Variants in PDPR observed in about 807,000 individuals in gnomAD.
The protein encoded by PDPR is pyruvate dehydrogenase phosphatase regulatory subunit, also known as pyruvate dehydrogenase phosphatase regulatory subunit, mitochondrial.
In PDPR, 50 loss-of-function variants were observed where a neutral mutation model predicts 102.2. The ratio of observed to expected loss-of-function variants is 0.49; its 90% confidence interval spans 0.39 to 0.62. The LOEUF is 0.62. Among genes scored for constraint, PDPR ranks in the 20% least tolerant of loss-of-function variants. PDPR has a pLI of 0.00. For synonymous variants in PDPR, 259 were observed against 406.0 expected, an observed-to-expected ratio of 0.64 and a Z score of 4.35; for missense variants, 625 against 1,098.2, an observed-to-expected ratio of 0.57 and a Z score of 6.09.
intron 8 of PDPR, chr16:70,131,716 A>G (rs1964554917): frequency 1.0e-6 from 1 of 985,284 alleles, no homozygotes; most frequent in African/African-American, 1.7e-5. Context: ...CTTGAATGCT[A>G]TGGATAGTAG....
In PDPR at chr16:70,146,827, C is replaced by T. The variant is rs1285660871; in HGVS notation, c.1962+599C>T. Among the ~76,000 whole-genome samples the T allele has an allele frequency of 3.8e-3, 230 of 60,804 alleles. 1 individual carries two copies. The highest frequency in any genetic ancestry group is 0.013 in the African/African-American group (225 of 16,720). The allele number at this position is 60,804 out of a possible 152,430, so 39.9% of individuals were successfully genotyped here. A position where few individuals can be genotyped will look rare whatever the true frequency, so the allele number is the denominator to read the frequency against. ...ATGTTGCAGTGAGCCGAGATTGCGC[C>T]ATTGCACTCCAGGCTGGCAACAGAG... On this transcript the variant is annotated intron_variant, in intron 16 of 18. Coordinates refer to ENST00000288050, the MANE Select transcript of PDPR (RefSeq NM_017990.5).
chr16:70,154,725 G>A (rs1230975920), intron 18 of PDPR, among the ~76,000 whole-genome samples: 1 of 152,124 alleles, frequency 6.6e-6, no homozygotes, highest in Non-Finnish European at 1.5e-5. Context: ...TCACTGCAAT[G>A]CCCTCTCATG....
chr16:70,137,317 C>T (rs1238530731), intron 10 of PDPR, among the ~76,000 whole-genome samples: 3 of 152,222 alleles, frequency 2.0e-5, no homozygotes, highest in Non-Finnish European at 2.9e-5. Flanking sequence ...GATTGCGCCA[C>T]TGCACTCCAG....
intron 9 of PDPR, among the ~76,000 whole-genome samples, chr16:70,132,684 C>G (rs7200360): frequency 6.6e-6 from 1 of 151,514 alleles, no homozygotes; most frequent in Non-Finnish European, 1.5e-5. Context: ...GACATGGTCT[C>G]GCCATGTTGC....
rs1966854433 is a variant in PDPR at position 70,153,587 on chromosome 16, C to T, written c.2235+14C>T. 1 of 1,583,976 alleles carries T rather than the reference C, an allele frequency of 6.3e-7. No individual in the cohort carries two copies. Among genetic ancestry groups the T allele is most frequent in the African/African-American group, 1.3e-5 (1 of 74,362 alleles). On this transcript the variant is annotated intron_variant, in intron 18 of 18. Transcript: ENST00000288050. ...AAATTAGAGAAGGTACTGTGTTTAC[C>T]CAGACTCCACTTTCACTCAGCATCC...
chr16:70,148,166 C>A (rs1452652849), intron 16 of PDPR, among the ~76,000 whole-genome samples: 2 of 152,212 alleles, frequency 1.3e-5, no homozygotes, highest in African/African-American at 2.4e-5. Flanking sequence ...AACACAAGGA[C>A]CTGGCAAAGA....
intron 3 of PDPR, among the ~76,000 whole-genome samples, chr16:70,126,113 C>A (rs2096216903): frequency 6.6e-6 from 1 of 152,270 alleles, no homozygotes. Flanking sequence ...CACTGTTCTT[C>A]ACCTTGCTTT....
Position 70,156,808 on chromosome 16 carries a change from C to T in PDPR, c.2569C>T (p.Pro857Ser), listed in dbSNP as rs1967266151. 1 of 1,614,072 alleles carries T rather than the reference C, an allele frequency of 6.2e-7. No individual in the cohort carries two copies. The highest frequency in any genetic ancestry group is 2.2e-5 in the East Asian group (1 of 44,884). The change falls in exon 19 of 19, where the codon CCT (proline) becomes TCT (serine). Residue 857 changes from proline to serine, a missense_variant. Physicochemically the swap from Pro to Ser is moderately conservative, Grantham distance 74. Transcript: ENST00000288050. The stretch of plus-strand genomic sequence containing the variant: ...CTTCCAGGCCAAGGCCAAGCTCTAC[C>T]CTGTCGCCTCCCTCTTCACCCAGAA... ...YRFQAKAKLY[P>S]VASLFTQKRR...
intron 2 of PDPR, among the ~76,000 whole-genome samples, chr16:70,118,831 A>G (rs1358242195): frequency 1.3e-5 from 2 of 152,108 alleles, no homozygotes; most frequent in Non-Finnish European, 2.9e-5. Context: ...GGCCAAGACA[A>G]TTTGTCTCCA....
At chr16:70,131,585 T>C (rs1267050672) in intron 8 of PDPR, 166 bp downstream of exon 8, 11 of 793,274 alleles carry the variant, frequency 1.4e-5, no homozygotes, top group African/African-American at 5.7e-5. Context: ...ATTAACTCTT[T>C]ATGAAAGGAT....
At position 70,148,206 on chromosome 16, in the gene PDPR, C is replaced by T. The variant is rs566625595; in HGVS notation, c.1963-258C>T. 5.9e-5 allele frequency among the ~76,000 whole-genome samples: 9 copies of T among 152,358 alleles called. No individual in the cohort carries two copies. The South Asian group carries it at 1.4e-3, about 25-fold the overall frequency. On this transcript the variant is annotated intron_variant, in intron 16 of 18. Coordinates refer to ENST00000288050, the MANE Select transcript of PDPR (RefSeq NM_017990.5). ...TATTTTGTGCTTGTCAAGGACTTTC[C>T]TCCACTCTCTACCATCAGCTTGGCT...
At chr16:70,136,945 G>C (rs1353359799) in intron 10 of PDPR, among the ~76,000 whole-genome samples, 2 of 152,216 alleles carry the variant, frequency 1.3e-5, no homozygotes, top group East Asian at 3.9e-4. Flanking sequence ...GTTTCACCAT[G>C]TTAGCCAGGC....
At chr16:70,127,572 G>A (rs1964103799) in intron 4 of PDPR, among the ~76,000 whole-genome samples, 179 bp downstream of exon 4, 2 of 152,396 alleles carry the variant, frequency 1.3e-5, no homozygotes, top group Admixed American at 6.5e-5. Flanking sequence ...GGCGGATCAC[G>A]AGGTCAGGAG....
intron 9 of PDPR, 132 bp from the exon 10 acceptor site, chr16:70,136,062 C>G: frequency 1.3e-6 from 1 of 791,508 alleles, no homozygotes; most frequent in South Asian, 2.0e-5. Context: ...GAGTGAGACT[C>G]CATCTCAAAA....
At chr16:70,130,757 A>C (rs1483935568) in intron 7 of PDPR, among the ~76,000 whole-genome samples, 1 of 152,278 alleles carries the variant, frequency 6.6e-6, no homozygotes. Flanking sequence ...GATGGGTGCT[A>C]TCCTGGTCAG....
At chr16:70,124,749 C>T (rs1316741207) in intron 3 of PDPR, among the ~76,000 whole-genome samples, 1 of 152,212 alleles carries the variant, frequency 6.6e-6, no homozygotes, top group African/African-American at 2.4e-5. Flanking sequence ...GAGCTCCACA[C>T]AGTTACAAAG....
At position 70,162,216 on chromosome 16, in the gene PDPR, T is replaced by C. The variant is rs1452571367; in HGVS notation, c.*5337T>C. On this transcript the variant is annotated 3_prime_UTR_variant, in exon 19 of 19. Transcript: ENST00000288050. ...AACACTTTACTCTCCAGTCAACACTTGGGACATATAAAAATGCCATTGTAA... is the reference window on the plus strand; with the variant it reads ...AACACTTTACTCTCCAGTCAACACTCGGGACATATAAAAATGCCATTGTAA... The C allele has an allele frequency of 1.3e-5, 2 of 152,474 alleles. No individual in the cohort carries two copies. Among genetic ancestry groups the C allele is most frequent in the Non-Finnish European group, 2.9e-5 (2 of 68,158 alleles). The allele number at this position is 152,474 out of a possible 1,614,324, so 9.4% of individuals were successfully genotyped here.
chr16:70,158,552 T>G lies in PDPR; in HGVS notation c.*1673T>G, dbSNP rs1967467899. 1 of 129,914 alleles carries G rather than the reference T, an allele frequency of 7.7e-6. No homozygotes were observed. The highest frequency in any genetic ancestry group is 1.8e-5 in the Non-Finnish European group (1 of 56,894). 8.0% of individuals were successfully genotyped at this position (129,914 alleles called of 1,614,324 possible). On this transcript the variant is annotated 3_prime_UTR_variant, in exon 19 of 19. Coordinates refer to ENST00000288050, the MANE Select transcript of PDPR (RefSeq NM_017990.5). The stretch of plus-strand genomic sequence containing the variant: ...GACCACTCCTAGTGATTACTGACTT[T>G]AGTGCCTAAACCTTTTTGGAAGGTT...
downstream of PDPR, among the ~76,000 whole-genome samples, chr16:70,162,907 T>C (rs1967916257): frequency 6.6e-6 from 1 of 152,252 alleles, no homozygotes; most frequent in South Asian, 2.1e-4. Flanking sequence ...GCTCTTTTTC[T>C]ACACCAGCTT....
Sources: allele counts gnomAD v4.1 joint callset (sites outside exome capture counted in the v4.1 genomes callset), GRCh38; gene constraint gnomAD v4.1.1; transcripts MANE v1.5; gene names NCBI Gene and HGNC (gene_info 2026-07-23, HGNC 2026-07-21).